The following DEGS2 variants were observed in gnomAD, a reference collection of about 807,000 sequenced individuals.
DEGS2 encodes the protein delta 4-desaturase, sphingolipid 2.
DEGS2 carries 19 observed loss-of-function variants against 23.8 expected under a neutral mutation model. That is an observed-to-expected ratio of 0.80 (90% confidence interval 0.56 to 1.17). DEGS2 has a LOEUF of 1.17. DEGS2 is among the 50% of genes most tolerant of loss of function. The probability of loss-of-function intolerance (pLI) is 0.00; values close to 1 mark genes in which losing one functional copy is unlikely to be tolerated. For missense variants in DEGS2, 390 were observed against 459.5 expected, an observed-to-expected ratio of 0.85 and a Z score of 1.38; for synonymous variants, 218 against 213.7, an observed-to-expected ratio of 1.02 and a Z score of -0.18.
Position 100,145,296 on chromosome 14 carries a change from C to T in DEGS2, c.*1465G>A, listed in dbSNP as rs935080608. 1 of 152,270 alleles carries T rather than the reference C, an allele frequency of 6.6e-6. No homozygotes were observed. The highest frequency in any genetic ancestry group is 1.5e-5 in the Non-Finnish European group (1 of 68,070). The allele number at this position is 152,270 out of a possible 1,614,324, so 9.4% of individuals were successfully genotyped here. A position where few individuals can be genotyped will look rare whatever the true frequency, so the allele number is the denominator to read the frequency against. On this transcript the variant is annotated 3_prime_UTR_variant, in exon 3 of 3. Transcript: ENST00000305631. ...GGAGGAGCGGGTGCTCTGGGTTCCC[C>T]TCAGCCTGTGGGCGGGCCTGTGTGC... is the stretch of plus-strand genomic sequence containing the variant.
At chr14:100,162,302 C>T (rs1000773323), upstream of DEGS2, among the ~76,000 whole-genome samples, 6 of 151,948 alleles carry the variant, frequency 3.9e-5, no homozygotes, top group East Asian at 5.8e-4. Context: ...GCCGAGTTTG[C>T]GCCACTGCAC....
intron 1 of DEGS2, among the ~76,000 whole-genome samples, chr14:100,153,066 G>C (rs753941104): frequency 6.6e-6 from 1 of 152,040 alleles, no homozygotes; most frequent in South Asian, 2.1e-4. Flanking sequence ...GGATCAGCCT[G>C]GGCAATATAG....
Position 100,146,608 on chromosome 14 carries a change from C to G in DEGS2, c.*153G>C. On this transcript the variant is annotated 3_prime_UTR_variant, in exon 3 of 3. Coordinates refer to ENST00000305631, the MANE Select transcript of DEGS2 (RefSeq NM_206918.3). The stretch of plus-strand genomic sequence containing the variant: ...CGTGCAGACGGAGCCCTGCAGCCCA[C>G]ACTGCTGTTGCCAGGTGTGGCTGCG... The G allele has an allele frequency of 8.9e-7, 1 of 1,124,204 alleles. No homozygotes were observed. The highest frequency in any genetic ancestry group is 1.3e-6 in the Non-Finnish European group (1 of 794,414). The allele number at this position is 1,124,204 out of a possible 1,614,324, so 69.6% of individuals were successfully genotyped here. A position where few individuals can be genotyped will look rare whatever the true frequency, so the allele number is the denominator to read the frequency against.
At chr14:100,148,243 A>G (rs1208173165) in intron 2 of DEGS2, among the ~76,000 whole-genome samples, 1 of 152,216 alleles carries the variant, frequency 6.6e-6, no homozygotes, top group Non-Finnish European at 1.5e-5. Context: ...ACATAATCAC[A>G]GGGCAAACAT....
chr14:100,149,165 C>A lies in DEGS2; in HGVS notation c.628G>T (p.Val210Phe). 2 of 1,612,888 alleles carry A rather than the reference C, an allele frequency of 1.2e-6. No homozygotes were observed. Among genetic ancestry groups the A allele is most frequent in the Non-Finnish European group, 1.7e-6 (2 of 1,179,944 alleles). ...IFALWGLKPV[V>F]YLLASSFLGL... is the part of the protein sequence containing the mutation. ...AGGAAGGAGCTGGCCAGCAGGTAGA[C>A]CACGGGCTTGAGCCCCCAAAGGGCA... Residue 210 changes from valine to phenylalanine, a missense_variant, in exon 2 of 3, where the codon GTC (valine) becomes TTC (phenylalanine). Coordinates refer to ENST00000305631, the MANE Select transcript of DEGS2 (RefSeq NM_206918.3).
chr14:100,159,621 G>A lies in DEGS2; in HGVS notation c.-34C>T, dbSNP rs1023517827. On this transcript the variant is annotated 5_prime_UTR_variant, in exon 1 of 3. Transcript: ENST00000305631. ...GGGAGGCGCCGTTCGGAGCGCGGCC[G>A]GCTCGGCTCTGCTGCACCTGTCGCG... 1.4e-6 allele frequency: 2 copies of A among 1,455,500 alleles called. No homozygotes were observed. Among genetic ancestry groups the A allele is most frequent in the East Asian group, 3.0e-5 (1 of 33,866 alleles). The allele number at this position is 1,455,500 out of a possible 1,614,324, so 90.2% of individuals were successfully genotyped here. A position where few individuals can be genotyped will look rare whatever the true frequency, so the allele number is the denominator to read the frequency against.
At chr14:100,156,349 G>A (rs940621368) in intron 1 of DEGS2, among the ~76,000 whole-genome samples, 2 of 152,232 alleles carry the variant, frequency 1.3e-5, no homozygotes, top group Non-Finnish European at 1.5e-5. Context: ...GCATAGGCAT[G>A]GAGGAAGCAG....
Position 100,144,265 on chromosome 14 carries a change from C to CATCA in DEGS2, c.*2492_*2495dup, listed in dbSNP as rs1889387646. 6.5e-6 allele frequency: 1 copy of CATCA among 153,724 alleles called. No individual in the cohort carries two copies. The highest frequency in any genetic ancestry group is 2.4e-5 in the African/African-American group (1 of 41,486). 9.5% of individuals were successfully genotyped at this position (153,724 alleles called of 1,614,324 possible). A position where few individuals can be genotyped will look rare whatever the true frequency, so the allele number is the denominator to read the frequency against. ...TCGGGCTCAGGCCCTCGCATTGGTC[C>CATCA]ATCACGCTCCGGGCTGGGGATGCCC... is the stretch of plus-strand genomic sequence containing the variant. On this transcript the variant is annotated 3_prime_UTR_variant, in exon 3 of 3. Coordinates refer to ENST00000305631, the MANE Select transcript of DEGS2 (RefSeq NM_206918.3).
In DEGS2 at chr14:100,145,366, C is replaced by G. The variant is rs1352596789; in HGVS notation, c.*1395G>C. The stretch of plus-strand genomic sequence containing the variant: ...CTCAAAGTCCTGGTGCCGGGGCCAG[C>G]AGCACTTCCTTTGCAGAACAAGTCC... On this transcript the variant is annotated 3_prime_UTR_variant, in exon 3 of 3. Coordinates refer to ENST00000305631, the MANE Select transcript of DEGS2 (RefSeq NM_206918.3). The G allele has an allele frequency of 1.3e-5, 2 of 152,118 alleles. No individual in the cohort carries two copies. The highest frequency in any genetic ancestry group is 4.1e-4 in the South Asian group (2 of 4,842). The allele number at this position is 152,118 out of a possible 1,614,324, so 9.4% of individuals were successfully genotyped here. A position where few individuals can be genotyped will look rare whatever the true frequency, so the allele number is the denominator to read the frequency against.
In DEGS2 at chr14:100,159,471, G is replaced by A. The variant is rs1256851796; in HGVS notation, c.82+35C>T. 5.5e-6 allele frequency: 8 copies of A among 1,443,402 alleles called. No individual in the cohort carries two copies. In the Admixed American group the frequency reaches 2.0e-4, roughly 37 times the overall value. The allele number at this position is 1,443,402 out of a possible 1,614,324, so 89.4% of individuals were successfully genotyped here. Reference sequence around the variant, plus strand: ...GCGACTCCAGACGGGCCAACGGGGCGGTCCCCACCGGGGTGGGCCCCGCGC... The same window carrying A: ...GCGACTCCAGACGGGCCAACGGGGCAGTCCCCACCGGGGTGGGCCCCGCGC... On this transcript the variant is annotated intron_variant, in intron 1 of 2. Coordinates refer to ENST00000305631, the MANE Select transcript of DEGS2 (RefSeq NM_206918.3).
upstream of DEGS2, among the ~76,000 whole-genome samples, chr14:100,164,021 G>A (rs972714188): frequency 1.3e-5 from 2 of 152,146 alleles, no homozygotes; most frequent in Non-Finnish European, 2.9e-5. Context: ...TTTGAGACCA[G>A]CCGGGACAAC....
chr14:100,166,567 C>T, the DEGS2 span, among the ~76,000 whole-genome samples: 2 of 152,166 alleles, frequency 1.3e-5, no homozygotes, highest in African/African-American at 4.8e-5. Context: ...TGAAATGCTC[C>T]GGTGATGCCG....
chr14:100,152,334 AGG>A (rs991335509), intron 1 of DEGS2, among the ~76,000 whole-genome samples: 13 of 151,976 alleles, frequency 8.6e-5, no homozygotes, highest in African/African-American at 2.9e-4. Flanking sequence ...GGAGAAGGCA[AGG>A]GTCACTGGAG....
chr14:100,164,156 C>T (rs1033826663), upstream of DEGS2, among the ~76,000 whole-genome samples: 4 of 151,936 alleles, frequency 2.6e-5, no homozygotes, highest in Non-Finnish European at 5.9e-5. Context: ...TGGTCTGGAA[C>T]TCCTGGGCTC....
chr14:100,166,352 TG>T, the DEGS2 span, among the ~76,000 whole-genome samples: 26,877 of 43,684 alleles, frequency 0.62, 7,507 homozygotes, highest in South Asian at 0.7. Context: ...CCCGGGGCTG[TG>T]GGGGGAGCCT....
intron 1 of DEGS2, among the ~76,000 whole-genome samples, chr14:100,150,396 C>T (rs1290037854): frequency 6.7e-6 from 1 of 148,200 alleles, no homozygotes; most frequent in Non-Finnish European, 1.5e-5. Flanking sequence ...CACCCCCCCC[C>T]GCCCCGCCCC....
intron 2 of DEGS2, 151 bp from the exon 3 acceptor site, chr14:100,147,058 T>G (rs1223276374): frequency 3.4e-6 from 3 of 877,706 alleles, no homozygotes; most frequent in Non-Finnish European, 5.1e-6. Flanking sequence ...CACACACACA[T>G]GGGTGTACAT....
At chr14:100,150,265 G>A (rs1351352617) in intron 1 of DEGS2, among the ~76,000 whole-genome samples, 1 of 152,132 alleles carries the variant, frequency 6.6e-6, no homozygotes, top group East Asian at 1.9e-4. Flanking sequence ...TGTAGGCTGA[G>A]ACCGCAGGTC....
chr14:100,157,780 A>T (rs1595279955), intron 1 of DEGS2, among the ~76,000 whole-genome samples: 1 of 152,260 alleles, frequency 6.6e-6, no homozygotes, highest in African/African-American at 2.4e-5. Flanking sequence ...CCATGGGATT[A>T]AAAAAAGAGG....
Sources: gnomAD v4.1 joint callset for allele counts (sites outside exome capture counted in the v4.1 genomes callset) on GRCh38, gnomAD v4.1.1 for gene constraint, MANE v1.5 for transcripts, NCBI Gene and HGNC (gene_info 2026-07-23, HGNC 2026-07-21) for gene names.